The following ZNF224 variants were observed in gnomAD, a reference collection of about 807,000 sequenced individuals.
The protein encoded by ZNF224 is zinc finger protein 224, also known as bone marrow zinc finger 2.
ZNF224 carries 8 observed loss-of-function variants against 10.5 expected under a neutral mutation model. The ratio of observed to expected loss-of-function variants is 0.76; its 90% CI spans 0.45 to 1.37. The LOEUF (loss-of-function observed/expected upper bound fraction) is 1.37, where lower values mean the gene tolerates loss of function less well. Ranked by LOEUF, ZNF224 falls within the 40% of genes most tolerant of loss-of-function variation. ZNF224 has a pLI of 0.00. For synonymous variants in ZNF224, 282 were observed against 287.8 expected (o/e 0.98, Z 0.20); for missense variants, 754 against 854.0 (o/e 0.88, Z 1.46).
rs201099204 is a variant in ZNF224, at chr19:44,097,920, A to G, written c.15+32A>G. Reference sequence around the variant, plus strand: ...AGGACTTGCTTCTATTACTCTTAAAATTCCCTCTCAGTACTTAAATTGTCA... The same window carrying G: ...AGGACTTGCTTCTATTACTCTTAAAGTTCCCTCTCAGTACTTAAATTGTCA... On this transcript the variant is annotated intron_variant, in intron 3 of 5. Transcript: ENST00000693561. 63 of 1,613,080 alleles carry G rather than the reference A, an allele frequency of 3.9e-5. No individual in the cohort carries two copies. The East Asian group carries it at 1.4e-3, about 35-fold the overall frequency.
In ZNF224 at chr19:44,107,009, G is replaced by T. The variant is rs13346417; in HGVS notation, c.849G>T (p.Thr283=). Residue 283 remains threonine (T), a synonymous_variant, in exon 6 of 6, where the codon ACG becomes ACT. Transcript: ENST00000693561. ...TTCAAGAACATCAGAGAATCCATAC[G>T]GGGGAGAAGCCATTCAAATGTGATA... ...SQLQEHQRIH[T]GEKPFKCDIC... is the part of the protein sequence containing the mutation. The T allele has an allele frequency of 0.033, 53,149 of 1,608,886 alleles. 4,496 individuals are homozygous for T. Among genetic ancestry groups the T allele is most frequent in the African/African-American group, 0.25 (18,791 of 74,878 alleles).
rs775922392 is a variant in ZNF224, at chr19:44,108,169, A to G, written c.2009A>G (p.His670Arg). 1.2e-6 allele frequency: 2 copies of G among 1,614,268 alleles called. No homozygotes were observed. The highest frequency in any genetic ancestry group is 1.7e-6 in the Non-Finnish European group (2 of 1,180,048). The change falls in exon 6 of 6, where the codon CAT becomes CGT. Residue 670 changes from histidine (H) to arginine (R), a missense_variant. Coordinates refer to ENST00000693561, the MANE Select transcript of ZNF224 (RefSeq NM_001321645.3). ...AACAGGCGCTTGAATCTTGATATGC[A>G]TCAGAGGGTCCACATGGGAGAGAAA... is the stretch of plus-strand genomic sequence containing the variant. The part of the protein sequence containing the change: ...GYNRRLNLDM[H>R]QRVHMGEKTW...
intron 5 of ZNF224, 40 bp from the exon 6 acceptor site, chr19:44,106,356 G>T: frequency 1.2e-6 from 2 of 1,603,428 alleles, no homozygotes; most frequent in Non-Finnish European, 1.7e-6. Flanking sequence ...CTGAACAAAG[G>T]CTTCACTTGT....
rs769829897 is a variant in ZNF224, at chr19:44,108,712, T to C, written c.*428T>C. 1 of 519,030 alleles carries C rather than the reference T, an allele frequency of 1.9e-6. No individual in the cohort carries two copies. The highest frequency in any genetic ancestry group is 3.8e-6 in the Non-Finnish European group (1 of 260,338). 32.2% of individuals were successfully genotyped at this position (519,030 alleles called of 1,614,324 possible). A position where few individuals can be genotyped will look rare whatever the true frequency, so the allele number is the denominator to read the frequency against. On this transcript the variant is annotated 3_prime_UTR_variant, in exon 6 of 6. Coordinates refer to ENST00000693561, the MANE Select transcript of ZNF224 (RefSeq NM_001321645.3). The stretch of plus-strand genomic sequence containing the variant: ...TACATGTGTCTTTGCTGCTAAGTCG[T>C]CACAGCCTTAACATTGATTAGCACT...
In ZNF224 at chr19:44,108,265, A is replaced by T; in HGVS notation, c.2105A>T (p.His702Leu). Residue 702 changes from histidine to leucine, a missense_variant, in exon 6 of 6, where the codon CAT becomes CTT. Coordinates refer to ENST00000693561, the MANE Select transcript of ZNF224 (RefSeq NM_001321645.3). ...ASSLRLHQNV[H>L]VGEKP ...AGCCTTCGACTTCATCAGAATGTTC[A>T]TGTTGGAGAAAAACCTTAGTGATGT... 1.2e-6 allele frequency: 2 copies of T among 1,610,380 alleles called. No homozygotes were observed. Among genetic ancestry groups the T allele is most frequent in the Non-Finnish European group, 1.7e-6 (2 of 1,178,054 alleles).
chr19:44,102,582 C>T (rs1967571938), intron 5 of ZNF224, among the ~76,000 whole-genome samples: 1 of 152,146 alleles, frequency 6.6e-6, no homozygotes, highest in South Asian at 2.1e-4. Context: ...TTCCAATGGC[C>T]ATGTATTTAA....
At position 44,106,767 on chromosome 19, in the gene ZNF224, T is replaced by A. The variant is rs1391832668; in HGVS notation, c.607T>A (p.Cys203Ser). The A allele has an allele frequency of 6.2e-7, 1 of 1,613,122 alleles. No individual in the cohort carries two copies. Among genetic ancestry groups the A allele is most frequent in the African/African-American group, 1.3e-5 (1 of 74,842 alleles). Residue 203 changes from cysteine (C) to serine (S), a missense_variant, in exon 6 of 6, where the codon TGC (cysteine) becomes AGC (serine). By Grantham distance (112) the Cys-to-Ser change is moderately radical. Transcript: ENST00000693561. ...IHQRVHMGEK[C>S]YKCDVCGKEF... is the part of the protein sequence containing the mutation. Reference sequence around the variant, plus strand: ...TCAGAGAGTCCACATGGGAGAGAAATGCTATAAGTGTGACGTGTGTGGTAA... The same window carrying A: ...TCAGAGAGTCCACATGGGAGAGAAAAGCTATAAGTGTGACGTGTGTGGTAA...
chr19:44,100,742 A>G (rs956593484), intron 3 of ZNF224, 59 bp from the exon 4 acceptor site: 1 of 1,581,874 alleles, frequency 6.3e-7, no homozygotes, highest in African/African-American at 1.4e-5. Context: ...GCTCAGTGCC[A>G]CCCCTCTCCC....
chr19:44,100,990 T>A, intron 4 of ZNF224, 63 bp downstream of exon 4: 2 of 1,608,346 alleles, frequency 1.2e-6, no homozygotes, highest in Non-Finnish European at 1.7e-6. Flanking sequence ...TATCCTAGGG[T>A]ACAAAGTTTC....
At chr19:44,104,554 A>C (rs1163579255) in intron 5 of ZNF224, among the ~76,000 whole-genome samples, 1 of 152,254 alleles carries the variant, frequency 6.6e-6, no homozygotes, top group Non-Finnish European at 1.5e-5. Flanking sequence ...GGAAGTACCA[A>C]ATGAGGATCT....
At chr19:44,100,166 T>C (rs1810602821) in intron 3 of ZNF224, among the ~76,000 whole-genome samples, 1 of 152,208 alleles carries the variant, frequency 6.6e-6, no homozygotes, top group Non-Finnish European at 1.5e-5. Flanking sequence ...GATCATTATA[T>C]AGAGAGGAAA....
chr19:44,106,585 A>T lies in ZNF224; in HGVS notation c.425A>T (p.His142Leu), dbSNP rs991185021. 1.9e-6 allele frequency: 3 copies of T among 1,611,870 alleles called. No individual in the cohort carries two copies. Among genetic ancestry groups the T allele is most frequent in the Admixed American group, 1.7e-5 (1 of 59,806 alleles). The change falls in exon 6 of 6, where the codon CAC (histidine) becomes CTC (leucine). Residue 142 changes from histidine (H) to leucine (L), a missense_variant. Transcript: ENST00000693561. ...CQTEAGLSVI[H>L]TRQKSSQGNG... ...ACTGAGGCAGGACTATCTGTAATTCACACAAGACAGAAATCTTCCCAGGGC... is the reference window on the plus strand; with the variant it reads ...ACTGAGGCAGGACTATCTGTAATTCTCACAAGACAGAAATCTTCCCAGGGC...
intron 3 of ZNF224, among the ~76,000 whole-genome samples, chr19:44,099,622 G>A (rs1399786229): frequency 2.6e-5 from 4 of 152,094 alleles, no homozygotes; most frequent in Non-Finnish European, 5.9e-5. Flanking sequence ...GGAGGCTTAG[G>A]AAGGAGGATT....
rs375601838 is a variant in ZNF224 at position 44,096,645 on chromosome 19, A to G, written c.-69+214A>G. Among the ~76,000 whole-genome samples the G allele has an allele frequency of 1.2e-4, 18 of 152,158 alleles. No individual in the cohort carries two copies. In the South Asian group the frequency reaches 1.4e-3, roughly 12 times the overall value. On this transcript the variant is annotated intron_variant, in intron 2 of 5. Coordinates refer to ENST00000693561, the MANE Select transcript of ZNF224 (RefSeq NM_001321645.3). ...GCAGTTCTATATTTAAATTTGTTCT[A>G]TTTTTCACTTAAGGTTCTTACAAGT...
At chr19:44,101,316 C>A in intron 5 of ZNF224, 91 bp downstream of exon 5, 3 of 1,310,020 alleles carry the variant, frequency 2.3e-6, no homozygotes, top group Non-Finnish European at 3.2e-6. Flanking sequence ...GCCTAAATGG[C>A]CAAACCTCTT....
intron 3 of ZNF224, among the ~76,000 whole-genome samples, chr19:44,100,374 A>C: frequency 6.6e-6 from 1 of 152,204 alleles, no homozygotes; most frequent in East Asian, 1.9e-4. Flanking sequence ...CAGTTTGGCA[A>C]ATGTTGAAGA....
At position 44,100,923 on chromosome 19, in the gene ZNF224, A is replaced by T. The variant is rs1290095224; in HGVS notation, c.138A>T (p.Ser46=). The part of the protein sequence containing the change: ...VMLENFRNLL[S]VGHQAFHRDT... ...TGGAGAACTTCAGGAACCTGCTCTCAGTGGGTGAGGACAGGCACCCTCTGT... is the reference window on the plus strand; with the variant it reads ...TGGAGAACTTCAGGAACCTGCTCTCTGTGGGTGAGGACAGGCACCCTCTGT... The change falls in exon 4 of 6, where the codon TCA becomes TCT. Residue 46 remains serine (S), a synonymous_variant. Coordinates refer to ENST00000693561, the MANE Select transcript of ZNF224 (RefSeq NM_001321645.3). 1.2e-6 allele frequency: 2 copies of T among 1,613,974 alleles called. No individual in the cohort carries two copies. The highest frequency in any genetic ancestry group is 4.5e-5 in the East Asian group (2 of 44,886).
chr19:44,100,524 C>G (rs568357524), intron 3 of ZNF224, among the ~76,000 whole-genome samples: 43 of 152,100 alleles, frequency 2.8e-4, no homozygotes, highest in Non-Finnish European at 6.2e-4. Context: ...GCCCAGGATG[C>G]CACATTTAGA....
In ZNF224 at chr19:44,094,411, CG is replaced by C. The variant is rs1967395152; in HGVS notation, c.-276del. ...GACTGAGGTTGCTGCAGTTTTTCCGCGATAGTTTGGGGCAGTTCCGCGCGTT... is the reference window on the plus strand; with the variant it reads ...GACTGAGGTTGCTGCAGTTTTTCCGCATAGTTTGGGGCAGTTCCGCGCGTT... On this transcript the variant is annotated 5_prime_UTR_variant, in exon 1 of 6. Coordinates refer to ENST00000693561, the MANE Select transcript of ZNF224 (RefSeq NM_001321645.3). 1 of 152,130 alleles carries C rather than the reference CG, an allele frequency of 6.6e-6. No individual in the cohort carries two copies. The highest frequency in any genetic ancestry group is 2.4e-5 in the African/African-American group (1 of 41,398). The allele number at this position is 152,130 out of a possible 1,614,324, so 9.4% of individuals were successfully genotyped here. A position where few individuals can be genotyped will look rare whatever the true frequency, so the allele number is the denominator to read the frequency against.
Sources: allele counts gnomAD v4.1 joint callset (sites outside exome capture counted in the v4.1 genomes callset), GRCh38; gene constraint gnomAD v4.1.1; transcripts MANE v1.5; gene names NCBI Gene and HGNC (gene_info 2026-07-23, HGNC 2026-07-21).